TRAPPC9: variants seen among roughly 807,000 people sequenced by gnomAD.
TRAPPC9 encodes the protein trafficking protein particle complex subunit 9, also known as IKK2 binding protein.
A neutral mutation model predicts 124.0 loss-of-function variants in TRAPPC9; 83 were observed. That is an observed-to-expected ratio of 0.67 (90% confidence interval 0.56 to 0.80). The LOEUF (loss-of-function observed/expected upper bound fraction) is 0.80. Ranked by LOEUF, TRAPPC9 falls within the 30% of genes least tolerant of loss-of-function variation. TRAPPC9 has a pLI of 0.00. For missense variants in TRAPPC9, 1,302 were observed against 1,508.3 expected, an observed-to-expected ratio of 0.86 and a Z score of 2.27; for synonymous variants, 638 against 617.5, an observed-to-expected ratio of 1.03 and a Z score of -0.49.
chr8:139,879,632 G>A (rs1162344121), intron 21 of TRAPPC9, among the ~76,000 whole-genome samples: 1 of 152,226 alleles, frequency 6.6e-6, no homozygotes, highest in African/African-American at 2.4e-5. Flanking sequence ...TCCGGCCCCC[G>A]CAGGCTCTCC....
intron 16 of TRAPPC9, among the ~76,000 whole-genome samples, chr8:140,226,247 A>C (rs931661251): frequency 6.6e-6 from 1 of 152,168 alleles, no homozygotes; most frequent in African/African-American, 2.4e-5. Context: ...TTGATTTACA[A>C]ATTCTAGGAA....
intron 17 of TRAPPC9, among the ~76,000 whole-genome samples, chr8:140,162,945 T>C (rs995259638): frequency 2.0e-5 from 3 of 152,104 alleles, no homozygotes; most frequent in Non-Finnish European, 4.4e-5. Flanking sequence ...TTAGCTATAA[T>C]TGCACCACCA....
At chr8:139,886,139 C>T (rs755349537) in intron 20 of TRAPPC9, among the ~76,000 whole-genome samples, 170 bp from the exon 21 acceptor site, 1 of 152,214 alleles carries the variant, frequency 6.6e-6, no homozygotes. Flanking sequence ...GGTATGTGGA[C>T]ATCAGGGGCA....
chr8:139,928,977 T>C (rs1407792484), intron 19 of TRAPPC9, among the ~76,000 whole-genome samples: 1 of 151,756 alleles, frequency 6.6e-6, no homozygotes, highest in East Asian at 1.9e-4. Flanking sequence ...TCGATGTTGC[T>C]TACGGGAGAC....
intron 21 of TRAPPC9, among the ~76,000 whole-genome samples, chr8:139,865,925 A>C (rs1191093460): frequency 6.6e-6 from 1 of 152,200 alleles, no homozygotes; most frequent in Non-Finnish European, 1.5e-5. Flanking sequence ...GGTTTTATAC[A>C]TTTTAGGGAA....
intron 10 of TRAPPC9, among the ~76,000 whole-genome samples, chr8:140,307,563 T>C (rs777072527): frequency 3.3e-5 from 5 of 152,124 alleles, no homozygotes; most frequent in Non-Finnish European, 4.4e-5. Flanking sequence ...AAGAAAGATA[T>C]GGCATACACT....
intron 21 of TRAPPC9, among the ~76,000 whole-genome samples, chr8:139,879,784 A>G (rs561899350): frequency 6.6e-5 from 10 of 152,374 alleles, no homozygotes; most frequent in Non-Finnish European, 1.0e-4. Context: ...AGCACTGGTT[A>G]CATGGCAAGG....
chr8:140,194,513 GA>G (rs1368325401), intron 17 of TRAPPC9, among the ~76,000 whole-genome samples: 5 of 152,078 alleles, frequency 3.3e-5, no homozygotes, highest in African/African-American at 1.2e-4. Flanking sequence ...TTTTTTGCTT[GA>G]ATACTTTCAA....
intron 21 of TRAPPC9, chr8:139,881,384 C>T (rs1017297673): frequency 2.0e-5 from 3 of 152,178 alleles, no homozygotes; most frequent in African/African-American, 7.2e-5. Flanking sequence ...ATCTGACTGC[C>T]AATTGGTTTG....
intron 7 of TRAPPC9, among the ~76,000 whole-genome samples, chr8:140,391,207 G>C (rs1337134916): frequency 1.3e-5 from 2 of 152,248 alleles, no homozygotes; most frequent in East Asian, 3.8e-4. Context: ...GCAGGTCTTA[G>C]TCAGCAGTAT....
chr8:140,345,194 G>T (rs1436650446), intron 9 of TRAPPC9, among the ~76,000 whole-genome samples: 4 of 152,264 alleles, frequency 2.6e-5, no homozygotes, highest in African/African-American at 9.6e-5. Flanking sequence ...AAGTGGGAGA[G>T]CAGGCAGGGT....
chr8:140,300,332 T>A, intron 11 of TRAPPC9, 137 bp downstream of exon 11: 1 of 1,086,892 alleles, frequency 9.2e-7, no homozygotes, highest in Non-Finnish European at 1.4e-6. Context: ...TACACACATA[T>A]GCATGCGTGC....
At chr8:140,035,618 C>T (rs1563708958) in intron 17 of TRAPPC9, among the ~76,000 whole-genome samples, 1 of 152,220 alleles carries the variant, frequency 6.6e-6, no homozygotes, top group Non-Finnish European at 1.5e-5. Context: ...CCTTGAATAG[C>T]AACTGTCGTT....
chr8:140,457,832 G>A (rs2071744565), upstream of TRAPPC9: 1 of 1,070,878 alleles, frequency 9.3e-7, no homozygotes, highest in Non-Finnish European at 1.1e-6. Context: ...AGACGCGAGG[G>A]AAGCAAGGGG....
At chr8:140,384,930 C>T (rs2068713288) in intron 7 of TRAPPC9, among the ~76,000 whole-genome samples, 1 of 152,214 alleles carries the variant, frequency 6.6e-6, no homozygotes, top group African/African-American at 2.4e-5. Flanking sequence ...TAAAGCACTC[C>T]TCAGCAAAGG....
At chr8:140,325,695 A>G (rs1380866264) in intron 9 of TRAPPC9, among the ~76,000 whole-genome samples, 1 of 152,272 alleles carries the variant, frequency 6.6e-6, no homozygotes, top group East Asian at 1.9e-4. Context: ...AGAAGAAATA[A>G]TATCAATCTC....
intron 21 of TRAPPC9, among the ~76,000 whole-genome samples, chr8:139,824,380 G>C (rs1825474814): frequency 6.6e-6 from 1 of 152,160 alleles, no homozygotes; most frequent in African/African-American, 2.4e-5. Flanking sequence ...ATTAACATCA[G>C]TCACCACGTG....
At chr8:140,299,385 A>G (rs2065902157) in intron 11 of TRAPPC9, among the ~76,000 whole-genome samples, 1 of 152,200 alleles carries the variant, frequency 6.6e-6, no homozygotes, top group South Asian at 2.1e-4. Context: ...TCTGTCCTGG[A>G]AAGAAAAGCA....
At chr8:139,739,040 T>A (rs1818387378) in intron 21 of TRAPPC9, among the ~76,000 whole-genome samples, 1 of 152,120 alleles carries the variant, frequency 6.6e-6, no homozygotes. Context: ...ATCACATCAT[T>A]CATTTATCTA....
Sources: allele counts gnomAD v4.1 joint callset (sites outside exome capture counted in the v4.1 genomes callset), GRCh38; gene constraint gnomAD v4.1.1; transcripts MANE v1.5; gene names NCBI Gene and HGNC (gene_info 2026-07-23, HGNC 2026-07-21).